Variants in CFAP47 observed in about 807,000 individuals in gnomAD.
CFAP47 encodes the protein cilia and flagella associated protein 47.
Under a neutral mutation model 148.1 loss-of-function variants are expected in CFAP47, and 29 were observed. The ratio of observed to expected loss-of-function variants is 0.20; its 90% CI spans 0.15 to 0.27. CFAP47 has a LOEUF of 0.27. CFAP47 is among the 10% of genes least tolerant of loss of function. The probability of loss-of-function intolerance (pLI) is 1.00; values close to 1 mark genes in which losing one functional copy is unlikely to be tolerated. For synonymous variants in CFAP47, 664 were observed against 577.3 expected (o/e 1.15, Z -2.15); for missense variants, 1,872 against 1,697.5 (o/e 1.10, Z -1.81).
At chrX:36,184,840 G>A (rs939916366) in intron 40 of CFAP47, among the ~76,000 whole-genome samples, 5 of 110,083 alleles carry the variant, frequency 4.5e-5, no homozygotes, top group Admixed American at 9.7e-5. Flanking sequence ...GGCTGAGGCA[G>A]GAGAATCACT....
intron 52 of CFAP47, among the ~76,000 whole-genome samples, 200 bp from the exon 53 acceptor site, chrX:36,300,872 T>G (rs1352509787): frequency 1.8e-5 from 2 of 112,285 alleles, no homozygotes; most frequent in East Asian, 2.8e-4. Context: ...CTGCTTTTCT[T>G]GAATAATGAA....
chrX:36,049,672 A>G (rs2040675940), intron 26 of CFAP47, among the ~76,000 whole-genome samples: 1 of 112,143 alleles, frequency 8.9e-6, no homozygotes, highest in Non-Finnish European at 1.9e-5. Context: ...ATAGAATAAA[A>G]TCAAACAAAT....
chrX:35,987,574 C>T (rs1233790471), intron 15 of CFAP47, among the ~76,000 whole-genome samples: 3 of 111,435 alleles, frequency 2.7e-5, no homozygotes, highest in Admixed American at 1.9e-4. Context: ...CTGAGTGAGA[C>T]CACTTGGCTC....
At position 36,098,714 on chromosome X, in the gene CFAP47, T is replaced by C. The variant is rs142931785; in HGVS notation, c.4917-79T>C. On this transcript the variant is annotated intron_variant, in intron 30 of 63. Coordinates refer to ENST00000378653, the MANE Select transcript of CFAP47 (RefSeq NM_001304548.2). Reference sequence around the variant, plus strand: ...ATATATACAAATGTGACTTGAAATATTTAATTGATGGTCAATGCAAATCAT... The same window carrying C: ...ATATATACAAATGTGACTTGAAATACTTAATTGATGGTCAATGCAAATCAT... The C allele has an allele frequency of 4.2e-3, 1,906 of 455,444 alleles. 15 individuals carry two copies. Among genetic ancestry groups the C allele is most frequent in the African/African-American group, 0.025 (1,001 of 39,443 alleles). The allele number at this position is 455,444 out of a possible 1,213,427, so 37.5% of individuals were successfully genotyped here.
chrX:36,300,930 A>G lies in CFAP47; in HGVS notation c.7863-142A>G. On this transcript the variant is annotated intron_variant, in intron 52 of 63. Coordinates refer to ENST00000378653, the MANE Select transcript of CFAP47 (RefSeq NM_001304548.2). ...AAGAATTAAAAATACATCTACAAAA[A>G]GAGTAGTATGTGTTACAGAGTAGTT... 1.3e-5 allele frequency: 5 copies of G among 376,202 alleles called. No homozygotes were observed. In the South Asian group the frequency reaches 2.7e-4, roughly 20 times the overall value. The allele number at this position is 376,202 out of a possible 1,213,427, so 31.0% of individuals were successfully genotyped here. A position where few individuals can be genotyped will look rare whatever the true frequency, so the allele number is the denominator to read the frequency against.
At chrX:36,131,353 T>A (rs1386867454) in intron 33 of CFAP47, among the ~76,000 whole-genome samples, 1 of 111,168 alleles carries the variant, frequency 9.0e-6, no homozygotes, top group East Asian at 2.8e-4. Flanking sequence ...CTCAAAATGT[T>A]AAAATTAGAT....
At chrX:35,952,322 A>G (rs1025131152) in intron 6 of CFAP47, among the ~76,000 whole-genome samples, 9 of 111,605 alleles carry the variant, frequency 8.1e-5, no homozygotes, top group African/African-American at 2.9e-4. Flanking sequence ...GTCCCTCCAA[A>G]GAGGATGCAA....
chrX:36,071,995 CT>C, intron 28 of CFAP47, 24 bp downstream of exon 28: 1 of 1,138,648 alleles, frequency 8.8e-7, no homozygotes, highest in Non-Finnish European at 1.2e-6. Context: ...ATATAGTGTA[CT>C]TTCCAAAATT....
intron 51 of CFAP47, among the ~76,000 whole-genome samples, chrX:36,297,980 C>A (rs1054493389): frequency 1.8e-5 from 2 of 109,820 alleles, no homozygotes; most frequent in Admixed American, 9.8e-5. Flanking sequence ...ACTAGTCCAA[C>A]CATTGTGGAA....
At chrX:36,173,606 G>A (rs1055731330) in intron 39 of CFAP47, among the ~76,000 whole-genome samples, 17 of 111,694 alleles carry the variant, frequency 1.5e-4, no homozygotes, top group Non-Finnish European at 3.0e-4. Flanking sequence ...GTAGTTGAGC[G>A]GTTTTGAGTG....
At chrX:36,176,289 C>T (rs1213421305) in intron 39 of CFAP47, among the ~76,000 whole-genome samples, 3 of 112,411 alleles carry the variant, frequency 2.7e-5, no homozygotes, top group Non-Finnish European at 5.6e-5. Flanking sequence ...GAGCTGTAGA[C>T]CGGAGCTGTT....
chrX:36,134,797 G>A (rs2146827578), intron 33 of CFAP47, among the ~76,000 whole-genome samples: 1 of 110,778 alleles, frequency 9.0e-6, no homozygotes, highest in Non-Finnish European at 1.9e-5. Flanking sequence ...GCTACAGACT[G>A]GGGGAAAGTA....
At chrX:36,326,466 G>A (rs959395986) in intron 57 of CFAP47, among the ~76,000 whole-genome samples, 1 of 111,892 alleles carries the variant, frequency 8.9e-6, no homozygotes, top group Admixed American at 9.5e-5. Flanking sequence ...GGAAAGTTTG[G>A]AACTTCCTAG....
intron 26 of CFAP47, among the ~76,000 whole-genome samples, chrX:36,065,197 G>T (rs1321945954): frequency 9.0e-6 from 1 of 111,475 alleles, no homozygotes; most frequent in Non-Finnish European, 1.9e-5. Flanking sequence ...TCTATGTTGG[G>T]CTGGGACAGA....
At chrX:36,202,270 T>C (rs781951320) in intron 44 of CFAP47, among the ~76,000 whole-genome samples, 123 of 111,598 alleles carry the variant, frequency 1.1e-3, no homozygotes, top group African/African-American at 3.7e-3. Flanking sequence ...AAGCGATTGT[T>C]GTAAACGCAA....
chrX:36,068,790 T>G (rs2146757063), intron 27 of CFAP47, among the ~76,000 whole-genome samples: 1 of 108,242 alleles, frequency 9.2e-6, no homozygotes, highest in African/African-American at 3.4e-5. Context: ...ACCCCGTCTC[T>G]ACTAAAAATA....
At position 36,149,102 on chromosome X, in the gene CFAP47, A is replaced by G; in HGVS notation, c.5671-6A>G. The G allele has an allele frequency of 3.4e-6, 1 of 296,264 alleles. No individual in the cohort carries two copies. Among genetic ancestry groups the G allele is most frequent in the Non-Finnish European group, 5.9e-6 (1 of 169,443 alleles). 24.4% of individuals were successfully genotyped at this position (296,264 alleles called of 1,213,427 possible). A position where few individuals can be genotyped will look rare whatever the true frequency, so the allele number is the denominator to read the frequency against. The stretch of plus-strand genomic sequence containing the variant: ...CTTACTTATATCCTCTTCTACTTCT[A>G]CATAGATTCTACTGAAAAATTCCAG... On this transcript the variant is annotated splice_region_variant and splice_polypyrimidine_tract_variant and intron_variant, in intron 36 of 63. Coordinates refer to ENST00000378653, the MANE Select transcript of CFAP47 (RefSeq NM_001304548.2).
At chrX:35,929,587 C>T (rs919564960) in intron 2 of CFAP47, among the ~76,000 whole-genome samples, 4 of 111,481 alleles carry the variant, frequency 3.6e-5, no homozygotes, top group South Asian at 3.7e-4. Flanking sequence ...TGTAGATAAT[C>T]GTGCCATCTG....
intron 49 of CFAP47, among the ~76,000 whole-genome samples, chrX:36,261,986 TG>T (rs1206779258): frequency 1.8e-5 from 2 of 111,969 alleles, no homozygotes; most frequent in East Asian, 5.8e-4. Flanking sequence ...ACGGGGTGGC[TG>T]GCCGGGCGGG....
Sources: gnomAD v4.1 joint callset for allele counts (sites outside exome capture counted in the v4.1 genomes callset) on GRCh38, gnomAD v4.1.1 for gene constraint, MANE v1.5 for transcripts, NCBI Gene and HGNC (gene_info 2026-07-23, HGNC 2026-07-21) for gene names.